The following KIFAP3 variants were observed in gnomAD, a reference collection of about 807,000 sequenced individuals.
KIFAP3 encodes kinesin-associated protein 3.
KIFAP3 carries 68 observed loss-of-function variants against 106.5 expected under a neutral mutation model. The observed-to-expected ratio is 0.64, with a 90% CI of 0.53 to 0.78. The LOEUF (loss-of-function observed/expected upper bound fraction) is 0.78, where lower values mean the gene tolerates loss of function less well. Ranked by LOEUF, KIFAP3 falls within the 30% of genes least tolerant of loss-of-function variation. KIFAP3 has a pLI of 0.00. For missense variants in KIFAP3, 780 were observed against 941.8 expected, an observed-to-expected ratio of 0.83 and a Z score of 2.25; for synonymous variants, 320 against 311.5, an observed-to-expected ratio of 1.03 and a Z score of -0.29.
chr1:170,012,499 TTAAAG>T (rs1668291458), intron 10 of KIFAP3, among the ~76,000 whole-genome samples: 1 of 152,182 alleles, frequency 6.6e-6, no homozygotes. Flanking sequence ...GTTCAAGATA[TTAAAG>T]TAAATTTAAG....
chr1:170,032,278 T>C (rs138587069), intron 7 of KIFAP3: 117 of 217,086 alleles, frequency 5.4e-4, no homozygotes, highest in African/African-American at 2.2e-3. Context: ...CCAGAAACTA[T>C]ATGTGAATAT....
At chr1:170,052,264 C>T (rs1319063082) in intron 2 of KIFAP3, among the ~76,000 whole-genome samples, 2 of 152,114 alleles carry the variant, frequency 1.3e-5, no homozygotes, top group Non-Finnish European at 2.9e-5. Context: ...AGGACACATA[C>T]ACCCTCCCAA....
chr1:169,924,961 GA>G (rs1227088708), intron 19 of KIFAP3, among the ~76,000 whole-genome samples: 1 of 152,190 alleles, frequency 6.6e-6, no homozygotes, highest in East Asian at 1.9e-4. Context: ...GAGAAGCAAG[GA>G]AAAGTAAGCT....
At chr1:169,973,857 G>A (rs1422619223) in intron 16 of KIFAP3, among the ~76,000 whole-genome samples, 2 of 151,788 alleles carry the variant, frequency 1.3e-5, no homozygotes, top group East Asian at 1.9e-4. Flanking sequence ...AAGTCAGCTC[G>A]AATAGAGAAA....
intron 10 of KIFAP3, among the ~76,000 whole-genome samples, chr1:170,006,687 C>T (rs1422451931): frequency 6.6e-6 from 1 of 152,100 alleles, no homozygotes; most frequent in Non-Finnish European, 1.5e-5. Flanking sequence ...CATTTACTGA[C>T]ATGAGAAAGA....
intron 16 of KIFAP3, among the ~76,000 whole-genome samples, chr1:169,973,984 G>C (rs1054604123): frequency 1.3e-5 from 2 of 151,646 alleles, no homozygotes; most frequent in African/African-American, 2.4e-5. Flanking sequence ...TGTTACAAAA[G>C]GGTTATAAAA....
At chr1:169,995,780 C>G (rs896291351) in intron 10 of KIFAP3, among the ~76,000 whole-genome samples, 1 of 151,928 alleles carries the variant, frequency 6.6e-6, no homozygotes, top group African/African-American at 2.4e-5. Context: ...AAAGACTCAC[C>G]TTTAAAACAT....
chr1:170,037,999 T>C (rs996833905), intron 5 of KIFAP3, among the ~76,000 whole-genome samples: 1 of 152,142 alleles, frequency 6.6e-6, no homozygotes, highest in African/African-American at 2.4e-5. Context: ...AAACATGATA[T>C]ATATATTTAT....
At chr1:169,982,568 G>A (rs1027740241) in intron 14 of KIFAP3, 134 bp downstream of exon 14, 16 of 522,794 alleles carry the variant, frequency 3.1e-5, no homozygotes, top group Non-Finnish European at 4.7e-5. Context: ...CTACCTTTCT[G>A]GGAGAAGAGA....
At chr1:169,981,170 T>TGTGGTTTTTCTTTCC (rs1178338290) in intron 15 of KIFAP3, among the ~76,000 whole-genome samples, 2 of 152,160 alleles carry the variant, frequency 1.3e-5, no homozygotes, top group Admixed American at 1.3e-4. Flanking sequence ...CTCCCTTATC[T>TGTGGTTTTTCTTTCC]GTGGTTTTTC....
chr1:170,078,316 C>A (rs899519102), upstream of KIFAP3, among the ~76,000 whole-genome samples: 2 of 152,022 alleles, frequency 1.3e-5, no homozygotes, highest in Admixed American at 1.3e-4. Context: ...ATGGTATGAG[C>A]ATATTTTCAT....
chr1:169,956,596 A>G (rs2101850627), intron 18 of KIFAP3, among the ~76,000 whole-genome samples: 1 of 149,406 alleles, frequency 6.7e-6, no homozygotes, highest in Admixed American at 6.7e-5. Context: ...GAGTAAATTT[A>G]TACCACTGAA....
chr1:169,966,604 T>C (rs1244548820), intron 17 of KIFAP3, among the ~76,000 whole-genome samples: 1 of 151,822 alleles, frequency 6.6e-6, no homozygotes, highest in African/African-American at 2.4e-5. Flanking sequence ...TTTTCATTGT[T>C]GAAAATGGAA....
rs557998174 is a variant in KIFAP3 at position 169,990,203 on chromosome 1, T to C, written c.1284+1952A>G. On this transcript the variant is annotated intron_variant, in intron 11 of 19. Coordinates refer to ENST00000361580, the MANE Select transcript of KIFAP3 (RefSeq NM_014970.4). ...TACAGATGTTTAGAGGTGAGTGTAT[T>C]TGAGAAATTCTGGCATTTTTGAAAT... is the stretch of plus-strand genomic sequence containing the variant. 47 of 1,300,450 alleles carry C rather than the reference T, an allele frequency of 3.6e-5. No homozygotes were observed. In the South Asian group the frequency reaches 6.1e-4, roughly 17 times the overall value. 80.6% of individuals were successfully genotyped at this position (1,300,450 alleles called of 1,614,324 possible).
chr1:170,054,296 C>T (rs1225397333), intron 2 of KIFAP3, among the ~76,000 whole-genome samples: 1 of 152,132 alleles, frequency 6.6e-6, no homozygotes, highest in Admixed American at 6.5e-5. Flanking sequence ...CAATGAGATA[C>T]CATCTCACGC....
At chr1:170,054,923 C>A (rs1449855399) in intron 2 of KIFAP3, among the ~76,000 whole-genome samples, 1 of 152,108 alleles carries the variant, frequency 6.6e-6, no homozygotes. Flanking sequence ...ACATGTATAT[C>A]TATGTAACAA....
At chr1:169,930,267 T>C (rs1663389310) in intron 19 of KIFAP3, among the ~76,000 whole-genome samples, 2 of 152,256 alleles carry the variant, frequency 1.3e-5, no homozygotes, top group Admixed American at 1.3e-4. Context: ...CCTAACACTC[T>C]TGCTGTTAGA....
At chr1:170,036,182 T>C (rs1669681919) in intron 5 of KIFAP3, among the ~76,000 whole-genome samples, 1 of 152,102 alleles carries the variant, frequency 6.6e-6, no homozygotes, top group Admixed American at 6.6e-5. Flanking sequence ...ATGAAAATTA[T>C]AAAGTAATGA....
At chr1:170,013,003 T>C (rs1231491414) in intron 10 of KIFAP3, among the ~76,000 whole-genome samples, 1 of 152,026 alleles carries the variant, frequency 6.6e-6, no homozygotes, top group East Asian at 1.9e-4. Flanking sequence ...AGGTAAGATT[T>C]GGGTGGGGAC....
Sources: allele counts gnomAD v4.1 joint callset (sites outside exome capture counted in the v4.1 genomes callset), GRCh38; gene constraint gnomAD v4.1.1; transcripts MANE v1.5; gene names NCBI Gene and HGNC (gene_info 2026-07-23, HGNC 2026-07-21).